PTPRD: variants seen among roughly 807,000 people sequenced by gnomAD.
PTPRD encodes receptor-type tyrosine-protein phosphatase delta.
Under a neutral mutation model 214.5 loss-of-function variants are expected in PTPRD, and 34 were observed. The observed-to-expected ratio is 0.16, with a 90% CI of 0.12 to 0.21. PTPRD has a LOEUF of 0.21. PTPRD is among the 10% of genes least tolerant of loss of function. The pLI is 1.00. For missense variants in PTPRD, 2,545 were observed against 2,398.7 expected (o/e 1.06, Z -1.27); for synonymous variants, 1,128 against 845.7 (o/e 1.33, Z -5.79).
At chr9:8,921,291 A>C (rs894443414) in intron 11 of PTPRD, among the ~76,000 whole-genome samples, 2 of 152,122 alleles carry the variant, frequency 1.3e-5, no homozygotes, top group African/African-American at 4.8e-5. Flanking sequence ...TCCTGTGTTA[A>C]AGCTTCCTGA....
chr9:8,993,093 T>A (rs994223647), intron 11 of PTPRD, among the ~76,000 whole-genome samples: 5 of 152,080 alleles, frequency 3.3e-5, no homozygotes, highest in African/African-American at 1.2e-4. Context: ...CAGAAATCAA[T>A]CAGAGGAAGA....
intron 2 of PTPRD, among the ~76,000 whole-genome samples, chr9:10,583,668 CAG>C (rs1370746174): frequency 1.3e-5 from 2 of 151,886 alleles, no homozygotes; most frequent in African/African-American, 2.4e-5. Context: ...TTAGTAGAGA[CAG>C]AGTTTCACCA....
chr9:9,479,119 T>G (rs2095268239), intron 8 of PTPRD, among the ~76,000 whole-genome samples: 1 of 151,954 alleles, frequency 6.6e-6, no homozygotes, highest in Non-Finnish European at 1.5e-5. Context: ...TAGACCATTT[T>G]GCATCTAAGA....
At chr9:9,890,779 G>A (rs1023101575) in intron 5 of PTPRD, among the ~76,000 whole-genome samples, 6 of 151,940 alleles carry the variant, frequency 3.9e-5, no homozygotes, top group African/African-American at 7.2e-5. Context: ...AATTGGAAGG[G>A]GAAAGCAGGC....
chr9:9,310,304 C>G (rs1292402034), intron 9 of PTPRD, among the ~76,000 whole-genome samples: 2 of 152,132 alleles, frequency 1.3e-5, no homozygotes, highest in Admixed American at 6.5e-5. Flanking sequence ...ATGGAAGACA[C>G]ACACCTTGCA....
intron 12 of PTPRD, among the ~76,000 whole-genome samples, chr9:8,729,837 T>G (rs913829521): frequency 6.6e-6 from 1 of 152,262 alleles, no homozygotes; most frequent in Non-Finnish European, 1.5e-5. Flanking sequence ...AGCAAATGAT[T>G]ATCTTACAAC....
intron 11 of PTPRD, among the ~76,000 whole-genome samples, chr9:8,737,739 C>T (rs953362850): frequency 6.6e-6 from 1 of 152,146 alleles, no homozygotes; most frequent in African/African-American, 2.4e-5. Context: ...CTACCTCCGC[C>T]TCCTCAGTTC....
chr9:10,540,377 T>C (rs1490235849), intron 2 of PTPRD, among the ~76,000 whole-genome samples: 2 of 152,130 alleles, frequency 1.3e-5, no homozygotes, highest in Admixed American at 6.6e-5. Flanking sequence ...AAATTCTGGG[T>C]TATCAGTCCT....
In PTPRD at chr9:9,065,559, G is replaced by A. The variant is rs546646508; in HGVS notation, c.-142-46824C>T. 2.6e-5 allele frequency among the ~76,000 whole-genome samples: 4 copies of A among 152,254 alleles called. No homozygotes were observed. The South Asian group carries it at 8.3e-4, about 32-fold the overall frequency. ...CAAGTGCAATGTGAAGCTGACAGGG[G>A]TTTTCAGCAGAAAAGTGACAATATC... On this transcript the variant is annotated intron_variant, in intron 10 of 45. Transcript: ENST00000381196.
chr9:10,037,206 C>T (rs572934044), intron 3 of PTPRD, among the ~76,000 whole-genome samples: 7 of 152,028 alleles, frequency 4.6e-5, no homozygotes, highest in African/African-American at 1.4e-4. Flanking sequence ...AATAGAAAAC[C>T]GATATGGCTT....
Position 9,613,988 on chromosome 9 carries a change from C to T in PTPRD, c.-286-39207G>A, listed in dbSNP as rs1269809028. Among the ~76,000 whole-genome samples, 9 of 152,132 alleles carry T rather than the reference C, an allele frequency of 5.9e-5. No individual in the cohort carries two copies. In the South Asian group the frequency reaches 1.4e-3, roughly 24 times the overall value. On this transcript the variant is annotated intron_variant, in intron 7 of 45. Coordinates refer to ENST00000381196, the MANE Select transcript of PTPRD (RefSeq NM_002839.4). ...GCTCTGTTACAGTCTCCTCACGGTC[C>T]TCATCAATAATACCTTCTTCACATG...
intron 9 of PTPRD, among the ~76,000 whole-genome samples, chr9:9,394,445 T>C (rs1453501917): frequency 6.6e-6 from 1 of 152,194 alleles, no homozygotes; most frequent in African/African-American, 2.4e-5. Context: ...ATTGGAAGTT[T>C]ACAGGACATG....
chr9:9,118,985 T>G (rs1591925935), intron 10 of PTPRD, among the ~76,000 whole-genome samples: 1 of 152,284 alleles, frequency 6.6e-6, no homozygotes, highest in East Asian at 1.9e-4. Flanking sequence ...TGGACATTAT[T>G]CACCTAAAAA....
chr9:10,061,222 G>A (rs2097773296), intron 3 of PTPRD, among the ~76,000 whole-genome samples: 1 of 151,842 alleles, frequency 6.6e-6, no homozygotes, highest in Non-Finnish European at 1.5e-5. Flanking sequence ...AAGTTCAACA[G>A]CCATAATAGG....
intron 4 of PTPRD, among the ~76,000 whole-genome samples, chr9:9,960,395 G>A (rs964442586): frequency 5.9e-5 from 9 of 152,098 alleles, no homozygotes; most frequent in Non-Finnish European, 1.3e-4. Flanking sequence ...AGAAAGTGGA[G>A]CGTAACTTTC....
chr9:10,552,769 GA>G (rs1046071796), intron 2 of PTPRD, among the ~76,000 whole-genome samples: 39 of 147,818 alleles, frequency 2.6e-4, no homozygotes, highest in Middle Eastern at 3.5e-3. Flanking sequence ...CCCATGGAAA[GA>G]AAAAAAAAAC....
chr9:8,439,388 G>A (rs1230302100), intron 34 of PTPRD, among the ~76,000 whole-genome samples: 1 of 152,226 alleles, frequency 6.6e-6, no homozygotes, highest in African/African-American at 2.4e-5. Context: ...TCTGAACAGA[G>A]AAGGGTCTAT....
At chr9:10,345,129 T>C (rs769776824) in intron 2 of PTPRD, among the ~76,000 whole-genome samples, 13 of 152,120 alleles carry the variant, frequency 8.5e-5, no homozygotes, top group African/African-American at 2.7e-4. Context: ...ATCTGATTCA[T>C]TGCAAGTGGT....
chr9:9,664,713 T>C lies in PTPRD; in HGVS notation c.-287+69820A>G, dbSNP rs138537158. Among the ~76,000 whole-genome samples the C allele has an allele frequency of 2.8e-3, 426 of 151,846 alleles. 2 individuals are homozygous for C. Among genetic ancestry groups the C allele is most frequent in the African/African-American group, 9.6e-3 (400 of 41,516 alleles). On this transcript the variant is annotated intron_variant, in intron 7 of 45. Transcript: ENST00000381196. ...GGATTACTGTTAAAGTATTATTACTTAAGCAGAATCTCCTTTTGAAGGAGT... is the reference window on the plus strand; with the variant it reads ...GGATTACTGTTAAAGTATTATTACTCAAGCAGAATCTCCTTTTGAAGGAGT...
Sources: gnomAD v4.1 joint callset for allele counts (sites outside exome capture counted in the v4.1 genomes callset) on GRCh38, gnomAD v4.1.1 for gene constraint, MANE v1.5 for transcripts, NCBI Gene and HGNC (gene_info 2026-07-23, HGNC 2026-07-21) for gene names.